LRRTM4: variants seen among roughly 807,000 people sequenced by gnomAD.
LRRTM4 encodes the protein leucine-rich repeat transmembrane neuronal protein 4.
A neutral mutation model predicts 47.6 loss-of-function variants in LRRTM4; 25 were observed. The observed-to-expected ratio is 0.53, with a 90% confidence interval of 0.38 to 0.73. The LOEUF is 0.73. Among genes scored for constraint, LRRTM4 ranks in the 30% least tolerant of loss-of-function variants. The pLI, the probability that LRRTM4 is intolerant of heterozygous loss-of-function variation, is 0.00. For synonymous variants in LRRTM4, 311 were observed against 269.5 expected, an observed-to-expected ratio of 1.15 and a Z score of -1.51; for missense variants, 638 against 713.4, an observed-to-expected ratio of 0.89 and a Z score of 1.20.
At chr2:77,455,191 A>T (rs750669983) in intron 3 of LRRTM4, among the ~76,000 whole-genome samples, 2 of 152,214 alleles carry the variant, frequency 1.3e-5, no homozygotes, top group Non-Finnish European at 2.9e-5. Flanking sequence ...CTGTCTCTAA[A>T]TAAATAAATG....
chr2:76,915,699 A>C (rs1025682788), intron 3 of LRRTM4, among the ~76,000 whole-genome samples: 1 of 152,224 alleles, frequency 6.6e-6, no homozygotes, highest in African/African-American at 2.4e-5. Flanking sequence ...ATACTAGTTA[A>C]GAAAAGTATT....
chr2:76,924,747 T>C (rs903746763), intron 3 of LRRTM4, among the ~76,000 whole-genome samples: 1 of 151,870 alleles, frequency 6.6e-6, no homozygotes, highest in Non-Finnish European at 1.5e-5. Context: ...AGCCACCACA[T>C]AGGAATAATA....
intron 3 of LRRTM4, among the ~76,000 whole-genome samples, chr2:77,400,738 A>T: frequency 6.6e-6 from 1 of 151,598 alleles, no homozygotes; most frequent in East Asian, 2.0e-4. Flanking sequence ...CTCTTAACAC[A>T]CTGTCTTTCT....
chr2:77,412,538 A>G (rs747078447), intron 3 of LRRTM4, among the ~76,000 whole-genome samples: 3 of 152,162 alleles, frequency 2.0e-5, no homozygotes, highest in Non-Finnish European at 4.4e-5. Flanking sequence ...ACTCCTTGTA[A>G]AAAGGAAATG....
At chr2:77,212,600 T>C (rs1674327304) in intron 3 of LRRTM4, among the ~76,000 whole-genome samples, 1 of 149,014 alleles carries the variant, frequency 6.7e-6, no homozygotes, top group African/African-American at 2.6e-5. Flanking sequence ...CATTTAGAGA[T>C]AAACAAATGG....
intron 3 of LRRTM4, among the ~76,000 whole-genome samples, chr2:77,212,525 G>A (rs980908413): frequency 6.8e-6 from 1 of 147,858 alleles, no homozygotes; most frequent in Non-Finnish European, 1.5e-5. Context: ...ATATATATAT[G>A]TATATATCAT....
chr2:77,517,488 C>T (rs1679255069), intron 3 of LRRTM4: 1 of 984,970 alleles, frequency 1.0e-6, no homozygotes, highest in Non-Finnish European at 1.2e-6. Flanking sequence ...AAATCATCCA[C>T]AAAATTGTGA....
chr2:76,989,130 A>C (rs1328895605), intron 3 of LRRTM4, among the ~76,000 whole-genome samples: 1 of 151,820 alleles, frequency 6.6e-6, no homozygotes, highest in Non-Finnish European at 1.5e-5. Context: ...TTCAGTTTTC[A>C]TTTTGATTTA....
intron 3 of LRRTM4, among the ~76,000 whole-genome samples, chr2:77,050,377 G>A (rs528898242): frequency 6.6e-6 from 1 of 152,108 alleles, no homozygotes; most frequent in Non-Finnish European, 1.5e-5. Flanking sequence ...TATAATTGTA[G>A]GGGGTTTTGT....
chr2:77,208,157 G>T lies in LRRTM4; in HGVS notation c.1551+310161C>A, dbSNP rs147134793. On this transcript the variant is annotated intron_variant, in intron 3 of 3. Coordinates refer to ENST00000409884, the MANE Select transcript of LRRTM4 (RefSeq NM_001134745.3). The stretch of plus-strand genomic sequence containing the variant: ...GCCTCCCAAAGTGCTGAGATTACAG[G>T]CATGAGCCACCACGCACCCCCCAAG... Among the ~76,000 whole-genome samples, 388 of 152,088 alleles carry T rather than the reference G, an allele frequency of 2.6e-3. 1 individual carries two copies. The highest frequency in any genetic ancestry group is 9.0e-3 in the African/African-American group (374 of 41,490).
At chr2:77,182,244 A>C (rs961299996) in intron 3 of LRRTM4, among the ~76,000 whole-genome samples, 8 of 152,196 alleles carry the variant, frequency 5.3e-5, no homozygotes, top group Non-Finnish European at 1.2e-4. Flanking sequence ...TGCAGCCATA[A>C]AAAGGAATGA....
chr2:77,182,525 C>T (rs1345589869), intron 3 of LRRTM4, among the ~76,000 whole-genome samples: 1 of 152,012 alleles, frequency 6.6e-6, no homozygotes, highest in African/African-American at 2.4e-5. Context: ...ACATTCTGCA[C>T]ATGTATCCTG....
At chr2:76,811,138 C>T (rs1338242628) in intron 3 of LRRTM4, among the ~76,000 whole-genome samples, 1 of 152,084 alleles carries the variant, frequency 6.6e-6, no homozygotes, top group Non-Finnish European at 1.5e-5. Flanking sequence ...AGCCATGAAC[C>T]CTGGAATTTC....
At chr2:77,029,410 A>G (rs1381343750) in intron 3 of LRRTM4, among the ~76,000 whole-genome samples, 1 of 152,090 alleles carries the variant, frequency 6.6e-6, no homozygotes, top group African/African-American at 2.4e-5. Context: ...CTGGCAAACC[A>G]TTCGTGTAAG....
At chr2:77,470,244 G>T (rs903589723) in intron 3 of LRRTM4, among the ~76,000 whole-genome samples, 3 of 152,232 alleles carry the variant, frequency 2.0e-5, no homozygotes, top group Admixed American at 1.3e-4. Flanking sequence ...AAATAGTCCA[G>T]CTTTTCCCTT....
chr2:77,026,942 A>G (rs1678475077), intron 3 of LRRTM4, among the ~76,000 whole-genome samples: 1 of 152,106 alleles, frequency 6.6e-6, no homozygotes, highest in Non-Finnish European at 1.5e-5. Context: ...GGCACAACTT[A>G]ATTAAAGCCA....
At position 76,802,476 on chromosome 2, in the gene LRRTM4, A is replaced by G. The variant is rs544540669; in HGVS notation, c.1552-53560T>C. Among the ~76,000 whole-genome samples, 97 of 152,228 alleles carry G rather than the reference A, an allele frequency of 6.4e-4. 2 individuals carry two copies. The highest frequency in any genetic ancestry group is 2.3e-3 in the African/African-American group (94 of 41,568). ...GATAAAATAAATGGAAAGGGCCACAAATTAATGGAAACATATCCTGTGTTC... is the reference window on the plus strand; with the variant it reads ...GATAAAATAAATGGAAAGGGCCACAGATTAATGGAAACATATCCTGTGTTC... On this transcript the variant is annotated intron_variant, in intron 3 of 3. Transcript: ENST00000409884.
At chr2:76,837,860 C>G (rs1671560774) in intron 3 of LRRTM4, among the ~76,000 whole-genome samples, 1 of 151,480 alleles carries the variant, frequency 6.6e-6, no homozygotes, top group Admixed American at 6.6e-5. Flanking sequence ...ACCGCACGTT[C>G]TCACTCATAG....
intron 3 of LRRTM4, among the ~76,000 whole-genome samples, chr2:77,239,925 A>G (rs958090357): frequency 2.0e-5 from 3 of 151,952 alleles, no homozygotes; most frequent in Non-Finnish European, 4.4e-5. Flanking sequence ...AAATCATTAC[A>G]TTAATTATTC....
Sources: allele counts gnomAD v4.1 joint callset (sites outside exome capture counted in the v4.1 genomes callset), GRCh38; gene constraint gnomAD v4.1.1; transcripts MANE v1.5; gene names NCBI Gene and HGNC (gene_info 2026-07-23, HGNC 2026-07-21).